PRRC2B: variants seen among roughly 807,000 people sequenced by gnomAD.
The protein encoded by PRRC2B is proline rich coiled-coil 2B, also known as protein PRRC2B.
Under a neutral mutation model 242.3 loss-of-function variants are expected in PRRC2B, and 68 were observed. The observed-to-expected ratio is 0.28, with a 90% CI of 0.23 to 0.34. PRRC2B has a LOEUF of 0.34. PRRC2B is among the 10% of genes least tolerant of loss of function. The pLI is 1.00. For missense variants in PRRC2B, 2,835 were observed against 2,954.8 expected, an observed-to-expected ratio of 0.96 and a Z score of 0.94; for synonymous variants, 1,228 against 1,173.6, an observed-to-expected ratio of 1.05 and a Z score of -0.95.
rs1327790072 is a variant in PRRC2B at position 131,478,681 on chromosome 9, C to T, written c.4758+62C>T. On this transcript the variant is annotated intron_variant, in intron 18 of 31. Coordinates refer to ENST00000683519, the MANE Select transcript of PRRC2B (RefSeq NM_013318.4). Reference sequence around the variant, plus strand: ...GGCAGGCTGGCAGATGCCCAGGAAACCCAGAGCCAGAGGGTAAGGGAGTTC... The same window carrying T: ...GGCAGGCTGGCAGATGCCCAGGAAATCCAGAGCCAGAGGGTAAGGGAGTTC... 3 of 1,274,408 alleles carry T rather than the reference C, an allele frequency of 2.4e-6. No homozygotes were observed. The African/African-American group carries it at 4.4e-5, about 19-fold the overall frequency. The allele number at this position is 1,274,408 out of a possible 1,614,324, so 78.9% of individuals were successfully genotyped here.
At chr9:131,451,967 G>A (rs188180336) in intron 9 of PRRC2B, among the ~76,000 whole-genome samples, 71 of 151,890 alleles carry the variant, frequency 4.7e-4, no homozygotes, top group Admixed American at 6.6e-5. Flanking sequence ...CTGTCATGAG[G>A]GATATTAGTT....
intron 1 of PRRC2B, among the ~76,000 whole-genome samples, chr9:131,407,892 C>G (rs374616052): frequency 6.6e-6 from 1 of 152,164 alleles, no homozygotes; most frequent in African/African-American, 2.4e-5. Context: ...GGACAGCCAC[C>G]TTAGTGGCGG....
At position 131,482,329 on chromosome 9, in the gene PRRC2B, G is replaced by C; in HGVS notation, c.4984-42G>C. ...GCAGTTTTACTCTCTGGATAATCGA[G>C]TTGGGAGTTTGAGGCTATAACCCAT... On this transcript the variant is annotated intron_variant, in intron 20 of 31. Coordinates refer to ENST00000683519, the MANE Select transcript of PRRC2B (RefSeq NM_013318.4). This position sits in a 1 kb window ranked among gnomAD's most constrained non-coding sequence, Gnocchi z 5.2. 1 of 1,520,802 alleles carries C rather than the reference G, an allele frequency of 6.6e-7. No homozygotes were observed. Among genetic ancestry groups the C allele is most frequent in the Non-Finnish European group, 8.9e-7 (1 of 1,129,744 alleles). The allele number at this position is 1,520,802 out of a possible 1,614,324, so 94.2% of individuals were successfully genotyped here.
chr9:131,443,514 A>G (rs1588254264), intron 5 of PRRC2B, among the ~76,000 whole-genome samples: 1 of 150,540 alleles, frequency 6.6e-6, no homozygotes, highest in African/African-American at 2.5e-5. Context: ...GCTCACTGCA[A>G]CCTCCACCTC....
chr9:131,439,952 G>T (rs1244933034), intron 5 of PRRC2B, among the ~76,000 whole-genome samples: 2 of 149,752 alleles, frequency 1.3e-5, no homozygotes, highest in East Asian at 3.9e-4. Flanking sequence ...TCACTATGTT[G>T]CCCAGGCTGA....
chr9:131,430,336 T>A, intron 2 of PRRC2B, 77 bp downstream of exon 2: 1 of 864,990 alleles, frequency 1.2e-6, no homozygotes, highest in Non-Finnish European at 1.9e-6. Context: ...GTCCCTCACC[T>A]GGTTAGACAG....
intron 16 of PRRC2B, 107 bp downstream of exon 16, chr9:131,476,642 T>G: frequency 7.1e-6 from 7 of 990,778 alleles, no homozygotes; most frequent in South Asian, 1.7e-5. Flanking sequence ...GCTGGGGGCC[T>G]GCCCCCAGGC....
chr9:131,375,472 T>C (rs962011282), intron 1 of PRRC2B, among the ~76,000 whole-genome samples: 1 of 152,078 alleles, frequency 6.6e-6, no homozygotes, highest in African/African-American at 2.4e-5. Context: ...GAGGATTGAA[T>C]GAGTTATTAT....
chr9:131,484,614 C>A, intron 23 of PRRC2B, 72 bp from the exon 24 acceptor site: 2 of 1,218,318 alleles, frequency 1.6e-6, no homozygotes, highest in Non-Finnish European at 2.3e-6. Context: ...TTCAGGAGAG[C>A]CATGGATGGG....
chr9:131,478,012 C>T (rs963301494), intron 17 of PRRC2B, 63 bp downstream of exon 17: 28 of 1,475,922 alleles, frequency 1.9e-5, no homozygotes, highest in East Asian at 9.1e-5. Context: ...ATGCAGTCCT[C>T]GGGCCTCCCG....
At chr9:131,414,987 A>G (rs1837607236) in intron 1 of PRRC2B, among the ~76,000 whole-genome samples, 1 of 152,014 alleles carries the variant, frequency 6.6e-6, no homozygotes, top group African/African-American at 2.4e-5. Context: ...AATGACAGCA[A>G]CTGTCTTTTT....
rs1944351800 is a variant in PRRC2B, at chr9:131,496,966, C to T, written c.*1092C>T. The T allele has an allele frequency of 6.6e-6, 1 of 152,578 alleles. No individual in the cohort carries two copies. The highest frequency in any genetic ancestry group is 2.1e-4 in the South Asian group (1 of 4,840). The allele number at this position is 152,578 out of a possible 1,614,324, so 9.5% of individuals were successfully genotyped here. On this transcript the variant is annotated 3_prime_UTR_variant, in exon 32 of 32. Transcript: ENST00000683519. ...CCTTCTGTAACCTGTCATTTTCCTT[C>T]CTTCCTCTTCCGGAGCCTGCTGCTT...
chr9:131,477,230 A>G (rs958986045), intron 16 of PRRC2B, among the ~76,000 whole-genome samples: 1 of 152,176 alleles, frequency 6.6e-6, no homozygotes, highest in Non-Finnish European at 1.5e-5. Flanking sequence ...TGTCCTCAGC[A>G]TACTGAGGAA....
intron 19 of PRRC2B, 136 bp downstream of exon 19, chr9:131,479,529 G>A (rs543489687): frequency 2.0e-5 from 17 of 836,264 alleles, no homozygotes; most frequent in South Asian, 7.4e-5. Flanking sequence ...GCTGTGTTCC[G>A]CTGCTGAGCT....
rs892897936 is a variant in PRRC2B, at chr9:131,482,081, A to G, written c.4983+273A>G. 6.6e-6 allele frequency among the ~76,000 whole-genome samples: 1 copy of G among 152,228 alleles called. No homozygotes were observed. The highest frequency in any genetic ancestry group is 1.5e-5 in the Non-Finnish European group (1 of 68,038). ...GAAGAGGGATTCAGGGCCTCCTCTG[A>G]ACTGGTGTCAGCAGCCACGTAGTCT... On this transcript the variant is annotated intron_variant, in intron 20 of 31. Coordinates refer to ENST00000683519, the MANE Select transcript of PRRC2B (RefSeq NM_013318.4). The surrounding 1 kb of genome is among the most constrained non-coding windows in gnomAD (Gnocchi z 5.2).
upstream of PRRC2B, among the ~76,000 whole-genome samples, chr9:131,390,677 T>A (rs1476686621): frequency 1.3e-5 from 2 of 150,296 alleles, no homozygotes; most frequent in African/African-American, 4.9e-5. Flanking sequence ...AGAGATGGGG[T>A]TTCACCATGT....
In PRRC2B at chr9:131,382,361, C is replaced by T. The variant is rs940303602; in HGVS notation, c.-56+8630C>T. 1.3e-5 allele frequency among the ~76,000 whole-genome samples: 2 copies of T among 152,230 alleles called. 1 individual carries two copies. Among genetic ancestry groups the T allele is most frequent in the Middle Eastern group, 6.8e-3 (2 of 294 alleles). On this transcript the variant is annotated intron_variant, in intron 1 of 1. Coordinates refer to the PRRC2B transcript ENST00000682525. ...TCTTACCCTCATTTGTTCTTTTATT[C>T]CCCAGTCTCTGGTCTTTGCCTCCTC...
chr9:131,446,413 G>T lies in PRRC2B; in HGVS notation c.626G>T (p.Trp209Leu). Residue 209 changes from tryptophan (W) to leucine (L), a missense_variant, in exon 7 of 32, where the codon TGG (tryptophan) becomes TTG (leucine). This residue lies in a region of PRRC2B where 626 missense variants were observed against 685.5 expected (regional missense o/e 0.91). Transcript: ENST00000683519. This position sits in a 1 kb window ranked among gnomAD's most constrained non-coding sequence, Gnocchi z 4.1. ...PSLRPQNVTS[W>L]REGGGRHIIS... ...TTTCAATTTCCAGATGTGACAAGCT[G>T]GAGGGAGGGCGGTGGGCGACACATA... 1 of 1,613,822 alleles carries T rather than the reference G, an allele frequency of 6.2e-7. No individual in the cohort carries two copies. Among genetic ancestry groups the T allele is most frequent in the Non-Finnish European group, 8.5e-7 (1 of 1,179,876 alleles).
At position 131,385,895 on chromosome 9, in the gene PRRC2B, A is replaced by G. The variant is rs1564270208; in HGVS notation, c.-56+12164A>G. On this transcript the variant is annotated intron_variant, in intron 1 of 1. Transcript: ENST00000682525. ...TTTGTAGTAGAGATGGGGTTTCACC[A>G]TGTTAGCCAGGATGGTCTCAATCTC... Among the ~76,000 whole-genome samples, 5 of 150,106 alleles carry G rather than the reference A, an allele frequency of 3.3e-5. No homozygotes were observed. In the South Asian group the frequency reaches 6.3e-4, roughly 19 times the overall value.
Sources: gnomAD v4.1 joint callset for allele counts (sites outside exome capture counted in the v4.1 genomes callset) on GRCh38, gnomAD v4.1.1 for gene constraint, gnomAD v4.1.1 regional missense constraint, Gnocchi (gnomAD v3.1) non-coding constraint, MANE v1.5 for transcripts, NCBI Gene and HGNC (gene_info 2026-07-23, HGNC 2026-07-21) for gene names.